Variants in CTNND2 observed in about 807,000 individuals in gnomAD.
CTNND2 encodes catenin delta 2.
A neutral mutation model predicts 144.4 loss-of-function variants in CTNND2; 22 were observed. That is an observed-to-expected ratio of 0.15 (90% CI 0.11 to 0.22). The LOEUF is 0.22. Among genes scored for constraint, CTNND2 ranks in the 10% least tolerant of loss-of-function variants. The pLI, the probability that CTNND2 is intolerant of heterozygous loss-of-function variation, is 1.00. For synonymous variants in CTNND2, 751 were observed against 695.6 expected (o/e 1.08, Z -1.25); for missense variants, 1,353 against 1,618.8 (o/e 0.84, Z 2.82).
At chr5:11,369,783 G>T (rs1247712628) in intron 7 of CTNND2, among the ~76,000 whole-genome samples, 1 of 150,256 alleles carries the variant, frequency 6.7e-6, no homozygotes, top group African/African-American at 2.4e-5. Flanking sequence ...TTGGGATAGG[G>T]GGATCAAGAA....
At chr5:11,281,794 G>C (rs1012053937) in intron 9 of CTNND2, among the ~76,000 whole-genome samples, 12 of 152,082 alleles carry the variant, frequency 7.9e-5, no homozygotes, top group African/African-American at 2.9e-4. Context: ...AGGCAGATTG[G>C]GTGACGGCCA....
intron 3 of CTNND2, among the ~76,000 whole-genome samples, chr5:11,417,475 A>C (rs1210914343): frequency 6.6e-6 from 1 of 152,238 alleles, no homozygotes; most frequent in Non-Finnish European, 1.5e-5. Flanking sequence ...TAAGATAGAG[A>C]TTTAAAATGA....
chr5:11,803,084 G>C (rs929951244), intron 1 of CTNND2, among the ~76,000 whole-genome samples: 1 of 152,154 alleles, frequency 6.6e-6, no homozygotes, highest in African/African-American at 2.4e-5. Context: ...CACTTTGGGA[G>C]GCCGAGGCGG....
intron 6 of CTNND2, among the ~76,000 whole-genome samples, chr5:11,392,647 G>A (rs1759736443): frequency 6.6e-6 from 1 of 152,128 alleles, no homozygotes; most frequent in Non-Finnish European, 1.5e-5. Context: ...AGATTTTAAA[G>A]CAAAGCAAGG....
At chr5:11,676,542 A>G (rs745969000) in intron 2 of CTNND2, among the ~76,000 whole-genome samples, 1 of 152,008 alleles carries the variant, frequency 6.6e-6, no homozygotes, top group Non-Finnish European at 1.5e-5. Context: ...AACAGCACTT[A>G]GCATACTAAA....
intron 3 of CTNND2, among the ~76,000 whole-genome samples, chr5:11,477,385 T>TTC (rs1163108417): frequency 6.6e-6 from 1 of 151,766 alleles, no homozygotes; most frequent in Non-Finnish European, 1.5e-5. Flanking sequence ...TCACCTATTT[T>TTC]TTTTTTTTGG....
intron 1 of CTNND2, among the ~76,000 whole-genome samples, chr5:11,854,882 T>A (rs1443377457): frequency 1.3e-5 from 2 of 152,224 alleles, no homozygotes; most frequent in Admixed American, 1.3e-4. Flanking sequence ...CCAAATATGA[T>A]GATGCCTGTA....
chr5:11,600,310 A>T (rs574149252), intron 2 of CTNND2, among the ~76,000 whole-genome samples: 1 of 152,266 alleles, frequency 6.6e-6, no homozygotes, highest in African/African-American at 2.4e-5. Flanking sequence ...CAAAACAACA[A>T]AAAAAATTTT....
At chr5:11,636,692 C>T (rs1781723973) in intron 2 of CTNND2, among the ~76,000 whole-genome samples, 1 of 152,160 alleles carries the variant, frequency 6.6e-6, no homozygotes, top group Non-Finnish European at 1.5e-5. Flanking sequence ...CTTGAAGGCA[C>T]TTCTGAAACA....
At chr5:11,415,337 C>T (rs920482280) in intron 3 of CTNND2, among the ~76,000 whole-genome samples, 1 of 152,118 alleles carries the variant, frequency 6.6e-6, no homozygotes, top group Non-Finnish European at 1.5e-5. Context: ...CTAACCCTGG[C>T]TCATGCTTAT....
At chr5:11,635,243 T>C (rs1781622440) in intron 2 of CTNND2, among the ~76,000 whole-genome samples, 2 of 151,544 alleles carry the variant, frequency 1.3e-5, no homozygotes, top group Middle Eastern at 3.4e-3. Flanking sequence ...CAAAAATGAG[T>C]GTGGGAGTTT....
intron 1 of CTNND2, among the ~76,000 whole-genome samples, chr5:11,750,908 C>T (rs10462672): frequency 0.98 from 148,548 of 151,830 alleles, 72,747 homozygotes; most frequent in East Asian, 1. Flanking sequence ...TATGAATACT[C>T]ATACAACATT....
At chr5:11,793,110 G>A (rs1167189229) in intron 1 of CTNND2, among the ~76,000 whole-genome samples, 3 of 152,178 alleles carry the variant, frequency 2.0e-5, no homozygotes, top group Admixed American at 6.5e-5. Context: ...CACAGATAAA[G>A]AATTTGACAA....
chr5:11,824,537 T>C (rs1044543965), intron 1 of CTNND2, among the ~76,000 whole-genome samples: 8 of 152,132 alleles, frequency 5.3e-5, no homozygotes, highest in Admixed American at 3.9e-4. Flanking sequence ...AATCTGCCTC[T>C]AATTGAAGGG....
intron 9 of CTNND2, among the ~76,000 whole-genome samples, chr5:11,301,640 A>C (rs1347505289): frequency 6.6e-6 from 1 of 152,188 alleles, no homozygotes; most frequent in Admixed American, 6.5e-5. Flanking sequence ...TTACATTTTA[A>C]AATTCGTATT....
chr5:11,629,249 C>T (rs1021659389), intron 2 of CTNND2, among the ~76,000 whole-genome samples: 2 of 150,304 alleles, frequency 1.3e-5, no homozygotes, highest in African/African-American at 5.0e-5. Context: ...CTGCCTAACC[C>T]GGAAAAGTTA....
At chr5:11,272,109 C>T (rs968476190) in intron 9 of CTNND2, among the ~76,000 whole-genome samples, 26 of 151,998 alleles carry the variant, frequency 1.7e-4, no homozygotes, top group African/African-American at 5.8e-4. Flanking sequence ...TCTTAAAATA[C>T]CAATTCCTGA....
At chr5:11,106,633 A>G (rs1159730793) in intron 14 of CTNND2, among the ~76,000 whole-genome samples, 2 of 152,214 alleles carry the variant, frequency 1.3e-5, no homozygotes, top group African/African-American at 4.8e-5. Context: ...TGTGCAGACA[A>G]TGCTACACGA....
intron 9 of CTNND2, among the ~76,000 whole-genome samples, chr5:11,290,192 A>C (rs547708228): frequency 1.3e-5 from 2 of 152,180 alleles, no homozygotes; most frequent in East Asian, 3.9e-4. Flanking sequence ...CTCCCTCACC[A>C]TTAGCAAAGA....
Sources: allele counts gnomAD v4.1 joint callset (sites outside exome capture counted in the v4.1 genomes callset), GRCh38; gene constraint gnomAD v4.1.1; transcripts MANE v1.5; gene names NCBI Gene and HGNC (gene_info 2026-07-23, HGNC 2026-07-21).